Variants in SYNPR observed in about 807,000 individuals in gnomAD.
SYNPR encodes the protein synaptoporin.
In SYNPR, 23 loss-of-function variants were observed where a neutral mutation model predicts 32.9. The observed-to-expected ratio is 0.70, with a 90% confidence interval of 0.50 to 0.99. The LOEUF (loss-of-function observed/expected upper bound fraction) is 0.99. Ranked by LOEUF, SYNPR falls within the 50% of genes least tolerant of loss-of-function variation. SYNPR has a pLI of 0.00. For synonymous variants in SYNPR, 146 were observed against 135.9 expected, an observed-to-expected ratio of 1.07 and a Z score of -0.52; for missense variants, 318 against 349.3, an observed-to-expected ratio of 0.91 and a Z score of 0.71.
Position 63,534,743 on chromosome 3 carries a change from G to A in SYNPR, c.210-21800G>A, listed in dbSNP as rs372712119. On this transcript the variant is annotated intron_variant, in intron 3 of 5. Transcript: ENST00000478300. ...TCCAGCTCACGGTTGAAAGCAGAAG[G>A]GGACCACTGTGTATGATGAGGTAAC... Among the ~76,000 whole-genome samples the A allele has an allele frequency of 1.2e-3, 181 of 152,248 alleles. 2 individuals carry two copies. In the South Asian group the frequency reaches 0.037, roughly 31 times the overall value.
chr3:63,229,456 C>T (rs1575570410), intron 1 of SYNPR, among the ~76,000 whole-genome samples: 1 of 152,168 alleles, frequency 6.6e-6, no homozygotes, highest in Admixed American at 6.5e-5. Context: ...TTTTACCCCA[C>T]ATCACTCTCA....
chr3:63,494,628 G>A (rs999302799), intron 3 of SYNPR, among the ~76,000 whole-genome samples: 3 of 151,228 alleles, frequency 2.0e-5, no homozygotes, highest in Admixed American at 6.6e-5. Flanking sequence ...CAGGACAGTG[G>A]AAATCACATA....
intron 2 of SYNPR, among the ~76,000 whole-genome samples, chr3:63,430,558 A>C (rs531232890): frequency 1.3e-5 from 2 of 152,310 alleles, no homozygotes; most frequent in Admixed American, 1.3e-4. Context: ...CATCCCTGTA[A>C]AATGTGGTTG....
intron 3 of SYNPR, among the ~76,000 whole-genome samples, chr3:63,507,386 A>T (rs928622200): frequency 1.3e-5 from 2 of 152,006 alleles, no homozygotes; most frequent in Non-Finnish European, 2.9e-5. Context: ...GGGAAAAAAA[A>T]TCAGACAAAT....
chr3:63,526,569 A>C (rs1335607212), intron 3 of SYNPR, among the ~76,000 whole-genome samples: 1 of 152,200 alleles, frequency 6.6e-6, no homozygotes, highest in Non-Finnish European at 1.5e-5. Flanking sequence ...TGATCTATTA[A>C]GGGCAAGCGA....
intron 2 of SYNPR, chr3:63,427,361 A>T (rs1699912155): frequency 6.6e-6 from 1 of 152,220 alleles, no homozygotes; most frequent in African/African-American, 2.4e-5. Context: ...GTAAAGAATA[A>T]ATAATGTATT....
chr3:63,325,433 G>T (rs1575598732), intron 2 of SYNPR, among the ~76,000 whole-genome samples: 1 of 152,138 alleles, frequency 6.6e-6, no homozygotes, highest in Non-Finnish European at 1.5e-5. Context: ...TGCAGCATGT[G>T]TTAGTCACTC....
At chr3:63,519,503 T>C (rs933256775) in intron 3 of SYNPR, among the ~76,000 whole-genome samples, 4 of 152,254 alleles carry the variant, frequency 2.6e-5, no homozygotes, top group African/African-American at 9.6e-5. Context: ...GCTGTGCTCC[T>C]TGTTGCCTCA....
chr3:63,255,932 T>C (rs2086378537), intron 2 of SYNPR, among the ~76,000 whole-genome samples: 1 of 152,214 alleles, frequency 6.6e-6, no homozygotes, highest in South Asian at 2.1e-4. Context: ...ATGCCGCGCC[T>C]AGCTCAGAGG....
In SYNPR at chr3:63,238,702, T is replaced by C. The variant is rs549581369; in HGVS notation, n.66+10322T>C. Among the ~76,000 whole-genome samples the C allele has an allele frequency of 4.5e-4, 68 of 152,288 alleles. 1 individual carries two copies. In the South Asian group the frequency reaches 0.013, roughly 30 times the overall value. On this transcript the variant is annotated intron_variant and non_coding_transcript_variant, in intron 1 of 4. Coordinates refer to the SYNPR transcript ENST00000478456. Reference sequence around the variant, plus strand: ...TCATTCACTTAATTTTAATGACTAATGGAGCTTATATGTTTTGACATTCTT... The same window carrying C: ...TCATTCACTTAATTTTAATGACTAACGGAGCTTATATGTTTTGACATTCTT...
chr3:63,340,852 G>A (rs1180743815), intron 2 of SYNPR, among the ~76,000 whole-genome samples: 1 of 152,158 alleles, frequency 6.6e-6, no homozygotes, highest in East Asian at 1.9e-4. Flanking sequence ...TACATTTAGT[G>A]TAATTGATAA....
chr3:63,256,691 C>T (rs1237275644), intron 2 of SYNPR, among the ~76,000 whole-genome samples: 1 of 152,178 alleles, frequency 6.6e-6, no homozygotes, highest in Non-Finnish European at 1.5e-5. Flanking sequence ...CGCAGCTCCT[C>T]ACCAGCAACA....
At chr3:63,378,702 C>T (rs571815112) in intron 2 of SYNPR, among the ~76,000 whole-genome samples, 1 of 152,160 alleles carries the variant, frequency 6.6e-6, no homozygotes, top group East Asian at 1.9e-4. Flanking sequence ...TTGACGTCTG[C>T]AGGGTCTGTA....
At chr3:63,519,053 T>G (rs776009489) in intron 3 of SYNPR, among the ~76,000 whole-genome samples, 7 of 152,232 alleles carry the variant, frequency 4.6e-5, no homozygotes, top group Non-Finnish European at 8.8e-5. Context: ...GTTTATGTGA[T>G]GTATCACATT....
At chr3:63,242,878 G>T (rs1292547082) in intron 1 of SYNPR, among the ~76,000 whole-genome samples, 1 of 152,022 alleles carries the variant, frequency 6.6e-6, no homozygotes, top group East Asian at 1.9e-4. Flanking sequence ...AATAGTACAG[G>T]TTTGAAAAAT....
chr3:63,285,879 C>T (rs1298269173), intron 2 of SYNPR, among the ~76,000 whole-genome samples: 1 of 152,054 alleles, frequency 6.6e-6, no homozygotes, highest in Non-Finnish European at 1.5e-5. Context: ...AAGTAAGGTA[C>T]CTTGCTTAGT....
Position 63,257,476 on chromosome 3 carries a change from T to C in SYNPR, n.154+4890T>C, listed in dbSNP as rs562540980. On this transcript the variant is annotated intron_variant and non_coding_transcript_variant, in intron 2 of 4. Transcript: ENST00000478456. ...TCATATCCAGCCAAACTAAACTTCA[T>C]AAGTGAAGGAGAAATAAAATCCTTT... 6.6e-5 allele frequency among the ~76,000 whole-genome samples: 10 copies of C among 152,116 alleles called. 1 individual carries two copies. In the South Asian group the frequency reaches 2.1e-3, roughly 32 times the overall value.
chr3:63,364,449 G>A (rs2087705840), intron 2 of SYNPR, among the ~76,000 whole-genome samples: 1 of 152,146 alleles, frequency 6.6e-6, no homozygotes, highest in Admixed American at 6.5e-5. Flanking sequence ...CATACTAGAA[G>A]TATCAATTTT....
intron 3 of SYNPR, among the ~76,000 whole-genome samples, chr3:63,526,506 C>T (rs1022486318): frequency 2.6e-5 from 4 of 152,162 alleles, no homozygotes; most frequent in Non-Finnish European, 1.5e-5. Context: ...AATATTTGTT[C>T]AATGAATGAA....
Sources: allele counts gnomAD v4.1 joint callset (sites outside exome capture counted in the v4.1 genomes callset), GRCh38; gene constraint gnomAD v4.1.1; transcripts MANE v1.5; gene names NCBI Gene and HGNC (gene_info 2026-07-23, HGNC 2026-07-21).